Variants in CRPPA observed in about 807,000 individuals in gnomAD.
CRPPA encodes the protein CDP-L-ribitol pyrophosphorylase A.
A neutral mutation model predicts 52.0 loss-of-function variants in CRPPA; 43 were observed. The ratio of observed to expected loss-of-function variants is 0.83; its 90% CI spans 0.65 to 1.07. The LOEUF is 1.07. Among genes scored for constraint, CRPPA ranks in the 50% least tolerant of loss-of-function variants. CRPPA has a pLI of 0.00. For synonymous variants in CRPPA, 250 were observed against 203.5 expected (o/e 1.23, Z -1.94); for missense variants, 629 against 551.7 (o/e 1.14, Z -1.40).
intron 9 of CRPPA, among the ~76,000 whole-genome samples, chr7:16,206,107 T>G (rs1781968295): frequency 6.6e-6 from 1 of 152,116 alleles, no homozygotes; most frequent in Non-Finnish European, 1.5e-5. Context: ...CACAAATGCA[T>G]ACCTTCATAC....
Position 16,134,048 on chromosome 7 carries a change from C to T in CRPPA, c.1252-42249G>A, listed in dbSNP as rs1782722145. ...CCGGGTTCACGCCATTCTCCTGCCT[C>T]AGCCTCCCGAGCAGCTGGGACTACA... On this transcript the variant is annotated intron_variant, in intron 9 of 9. Transcript: ENST00000407010. Among the ~76,000 whole-genome samples the T allele has an allele frequency of 1.6e-5, 2 of 123,930 alleles. 1 individual carries two copies. Among genetic ancestry groups the T allele is most frequent in the Non-Finnish European group, 3.7e-5 (2 of 54,526 alleles). 81.3% of individuals were successfully genotyped at this position (123,930 alleles called of 152,430 possible).
intron 5 of CRPPA, among the ~76,000 whole-genome samples, chr7:16,291,762 AT>A (rs1297766616): frequency 1.2e-4 from 18 of 151,850 alleles, no homozygotes; most frequent in Admixed American, 3.9e-4. Context: ...TAAAAAAAAA[AT>A]GTTTGAGATG....
At chr7:16,216,028 T>G in intron 9 of CRPPA, 38 bp downstream of exon 9, 1 of 1,497,326 alleles carries the variant, frequency 6.7e-7, no homozygotes, top group Non-Finnish European at 9.0e-7. Context: ...AAAACTAGTC[T>G]ACAGAACATA....
chr7:16,381,809 G>C (rs1404514267), intron 2 of CRPPA, among the ~76,000 whole-genome samples: 2 of 151,798 alleles, frequency 1.3e-5, no homozygotes, highest in Admixed American at 6.6e-5. Context: ...GACTAGGATT[G>C]CAACCCCTGC....
At chr7:16,397,914 C>T (rs191474266) in intron 2 of CRPPA, among the ~76,000 whole-genome samples, 1 of 152,212 alleles carries the variant, frequency 6.6e-6, no homozygotes, top group Admixed American at 6.5e-5. Context: ...TTGACGTGAC[C>T]AACACAACTG....
rs573069132 is a variant in CRPPA, at chr7:16,264,374, C to T, written c.934-5362G>A. ...CCAATGTGTTCAGTAAATTAAAGTA[C>T]GACAACAAAAAATCAAACTTTCCTT... On this transcript the variant is annotated intron_variant, in intron 6 of 9. Coordinates refer to ENST00000407010, the MANE Select transcript of CRPPA (RefSeq NM_001101426.4). 3.9e-5 allele frequency among the ~76,000 whole-genome samples: 6 copies of T among 152,038 alleles called. No homozygotes were observed. In the South Asian group the frequency reaches 8.3e-4, roughly 21 times the overall value.
At chr7:16,246,678 G>A (rs1783284514) in intron 8 of CRPPA, among the ~76,000 whole-genome samples, 1 of 152,176 alleles carries the variant, frequency 6.6e-6, no homozygotes, top group Non-Finnish European at 1.5e-5. Context: ...AAGATCTTGG[G>A]TAACTAGGTA....
intron 3 of CRPPA, among the ~76,000 whole-genome samples, chr7:16,339,374 T>C (rs1443064731): frequency 2.0e-5 from 3 of 152,136 alleles, no homozygotes; most frequent in Non-Finnish European, 4.4e-5. Context: ...TCTCAGGTGT[T>C]TAAGGCTCAT....
chr7:16,170,015 G>T lies in CRPPA; in HGVS notation c.1251+46051C>A, dbSNP rs146877536. Among the ~76,000 whole-genome samples the T allele has an allele frequency of 3.5e-4, 54 of 152,248 alleles. No individual in the cohort carries two copies. The East Asian group carries it at 0.01, about 29-fold the overall frequency. On this transcript the variant is annotated intron_variant, in intron 9 of 9. Transcript: ENST00000407010. The stretch of plus-strand genomic sequence containing the variant: ...CTAGCATTTCTAATTAATCTATTAG[G>T]TTGGTGCAAAAGTAATTGCGGTTTT...
chr7:16,399,957 T>A (rs1004981947), intron 2 of CRPPA, among the ~76,000 whole-genome samples: 1 of 152,116 alleles, frequency 6.6e-6, no homozygotes, highest in African/African-American at 2.4e-5. Context: ...GTGACTGACA[T>A]GGCTTACATG....
chr7:16,312,205 T>C (rs1583510800), intron 3 of CRPPA, among the ~76,000 whole-genome samples: 1 of 151,930 alleles, frequency 6.6e-6, no homozygotes, highest in African/African-American at 2.4e-5. Flanking sequence ...GTAGATCACG[T>C]TGGGGAGAAA....
At chr7:16,272,625 T>C (rs1050931236) in intron 6 of CRPPA, among the ~76,000 whole-genome samples, 3 of 152,180 alleles carry the variant, frequency 2.0e-5, no homozygotes, top group South Asian at 2.1e-4. Context: ...AAAAATGTCA[T>C]GAGATAAATT....
At chr7:16,171,866 T>C (rs924120032) in intron 9 of CRPPA, among the ~76,000 whole-genome samples, 13 of 152,180 alleles carry the variant, frequency 8.5e-5, no homozygotes, top group Admixed American at 3.9e-4. Flanking sequence ...TTCCAGTATA[T>C]ATTTTAGCAG....
chr7:16,218,308 GA>G (rs1782389817), intron 8 of CRPPA, among the ~76,000 whole-genome samples: 1 of 123,576 alleles, frequency 8.1e-6, no homozygotes, highest in South Asian at 3.1e-4. Context: ...ACATGGAAAG[GA>G]ACAACCGGTA....
intron 1 of CRPPA, among the ~76,000 whole-genome samples, chr7:16,411,232 G>A (rs1313316019): frequency 6.6e-6 from 1 of 152,166 alleles, no homozygotes; most frequent in Non-Finnish European, 1.5e-5. Context: ...GACACAGGCA[G>A]TAACCTGCCC....
chr7:16,135,717 T>A (rs1782751328), intron 9 of CRPPA, among the ~76,000 whole-genome samples: 1 of 152,160 alleles, frequency 6.6e-6, no homozygotes, highest in African/African-American at 2.4e-5. Context: ...AAATAACAGC[T>A]CACACAAATT....
chr7:16,376,061 A>G, intron 3 of CRPPA, 31 bp downstream of exon 3: 3 of 1,547,372 alleles, frequency 1.9e-6, no homozygotes, highest in Non-Finnish European at 2.6e-6. Flanking sequence ...CTGACATAAC[A>G]GCAGCTTATT....
intron 3 of CRPPA, among the ~76,000 whole-genome samples, chr7:16,345,953 A>G (rs572657846): frequency 6.6e-6 from 1 of 152,194 alleles, no homozygotes; most frequent in Admixed American, 6.5e-5. Flanking sequence ...TTATAAAAAC[A>G]TTATTTCTCA....
At chr7:16,389,977 T>C (rs1481698238) in intron 2 of CRPPA, among the ~76,000 whole-genome samples, 1 of 125,502 alleles carries the variant, frequency 8.0e-6, no homozygotes, top group Non-Finnish European at 1.6e-5. Context: ...TGCTAGCATA[T>C]AGAAATACAA....
Sources: allele counts gnomAD v4.1 joint callset (sites outside exome capture counted in the v4.1 genomes callset), GRCh38; gene constraint gnomAD v4.1.1; transcripts MANE v1.5; gene names NCBI Gene and HGNC (gene_info 2026-07-23, HGNC 2026-07-21).